Variants in CNTN4 observed in about 807,000 individuals in gnomAD.
CNTN4 encodes contactin 4.
Under a neutral mutation model 122.5 loss-of-function variants are expected in CNTN4, and 77 were observed. That is an observed-to-expected ratio of 0.63 (90% CI 0.52 to 0.76). CNTN4 has a LOEUF of 0.76. Among genes scored for constraint, CNTN4 ranks in the 30% least tolerant of loss-of-function variants. CNTN4 has a pLI of 0.00. For synonymous variants in CNTN4, 512 were observed against 447.0 expected (o/e 1.15, Z -1.83); for missense variants, 1,256 against 1,259.1 (o/e 1.00, Z 0.04).
At chr3:2,322,385 T>TG (rs764615573) in intron 2 of CNTN4, among the ~76,000 whole-genome samples, 17 of 152,146 alleles carry the variant, frequency 1.1e-4, no homozygotes, top group Admixed American at 2.6e-4. Context: ...TTCTGATACT[T>TG]GCTACAACAT....
At chr3:2,682,376 T>C (rs1195405763) in intron 4 of CNTN4, among the ~76,000 whole-genome samples, 1 of 152,198 alleles carries the variant, frequency 6.6e-6, no homozygotes, top group Non-Finnish European at 1.5e-5. Context: ...TCTTAACTTT[T>C]TTTTACTGAG....
At chr3:2,308,161 G>C (rs1237491438) in intron 2 of CNTN4, among the ~76,000 whole-genome samples, 1 of 151,762 alleles carries the variant, frequency 6.6e-6, no homozygotes, top group Non-Finnish European at 1.5e-5. Context: ...TTCTATTTTT[G>C]TCTAAATTAT....
chr3:2,817,738 A>G (rs991821604), intron 6 of CNTN4, among the ~76,000 whole-genome samples: 1 of 152,216 alleles, frequency 6.6e-6, no homozygotes, highest in Non-Finnish European at 1.5e-5. Context: ...TGAATGGGAT[A>G]TCTGTGCACA....
chr3:3,019,890 C>T (rs1698138936), intron 14 of CNTN4, among the ~76,000 whole-genome samples: 1 of 150,070 alleles, frequency 6.7e-6, no homozygotes, highest in Admixed American at 6.7e-5. Flanking sequence ...ATATTAGCTA[C>T]TGAGGAGTGT....
intron 2 of CNTN4, among the ~76,000 whole-genome samples, chr3:2,279,702 G>A (rs1286739716): frequency 6.6e-6 from 1 of 151,710 alleles, no homozygotes; most frequent in Non-Finnish European, 1.5e-5. Context: ...AAAAAAATAA[G>A]CAAGACTTTT....
intron 2 of CNTN4, among the ~76,000 whole-genome samples, chr3:2,290,915 C>A (rs575155982): frequency 6.6e-6 from 1 of 152,078 alleles, no homozygotes; most frequent in African/African-American, 2.4e-5. Context: ...AAAGAAAAAT[C>A]GACACTATAG....
intron 6 of CNTN4, among the ~76,000 whole-genome samples, chr3:2,773,467 G>A (rs1410706306): frequency 1.3e-5 from 2 of 152,180 alleles, no homozygotes; most frequent in Non-Finnish European, 2.9e-5. Flanking sequence ...ACATTCTTAC[G>A]GGGTACTTTC....
At chr3:2,130,440 A>C (rs192727936) in intron 2 of CNTN4, among the ~76,000 whole-genome samples, 1 of 152,208 alleles carries the variant, frequency 6.6e-6, no homozygotes, top group Non-Finnish European at 1.5e-5. Context: ...TATAAAACCA[A>C]TGGTATTTAA....
intron 4 of CNTN4, among the ~76,000 whole-genome samples, chr3:2,659,626 G>A (rs1427171131): frequency 1.3e-5 from 2 of 152,034 alleles, no homozygotes; most frequent in South Asian, 4.1e-4. Flanking sequence ...TAATGTTCAA[G>A]TTGGTCCTTA....
At chr3:2,945,313 A>T (rs570188366) in intron 13 of CNTN4, among the ~76,000 whole-genome samples, 3 of 152,326 alleles carry the variant, frequency 2.0e-5, no homozygotes, top group African/African-American at 7.2e-5. Flanking sequence ...TGAATTTCTC[A>T]TCATGTTCAA....
intron 14 of CNTN4, among the ~76,000 whole-genome samples, chr3:3,013,470 T>G (rs1396248090): frequency 6.6e-6 from 1 of 152,118 alleles, no homozygotes; most frequent in Non-Finnish European, 1.5e-5. Context: ...TGATTTCCAG[T>G]GAACGGAGTC....
Position 2,363,828 on chromosome 3 carries a change from G to A in CNTN4, c.-89+24595G>A, listed in dbSNP as rs556815748. ...TGGTATTGATAGCAAGCTTCATAAA[G>A]CATGGACTGTAGTAATTCTGCCAAA... On this transcript the variant is annotated intron_variant, in intron 3 of 24. Transcript: ENST00000418658. Among the ~76,000 whole-genome samples, 4 of 152,288 alleles carry A rather than the reference G, an allele frequency of 2.6e-5. No individual in the cohort carries two copies. The East Asian group carries it at 5.8e-4, about 22-fold the overall frequency.
At chr3:3,055,126 G>T (rs1701666098) in intron 24 of CNTN4, among the ~76,000 whole-genome samples, 1 of 152,088 alleles carries the variant, frequency 6.6e-6, no homozygotes, top group African/African-American at 2.4e-5. Flanking sequence ...AACACAAAAG[G>T]CATTTTTGTC....
intron 2 of CNTN4, among the ~76,000 whole-genome samples, chr3:2,216,860 C>T (rs1324844241): frequency 6.6e-6 from 1 of 152,134 alleles, no homozygotes; most frequent in African/African-American, 2.4e-5. Flanking sequence ...TTTTCTTGAA[C>T]AGATATTGCC....
At chr3:2,289,447 A>G (rs2042054351) in intron 2 of CNTN4, among the ~76,000 whole-genome samples, 1 of 152,244 alleles carries the variant, frequency 6.6e-6, no homozygotes, top group Non-Finnish European at 1.5e-5. Context: ...TATAAGGATT[A>G]AATGGATAGT....
chr3:2,233,502 T>C (rs1046974746), intron 2 of CNTN4, among the ~76,000 whole-genome samples: 4 of 152,184 alleles, frequency 2.6e-5, no homozygotes, highest in Non-Finnish European at 5.9e-5. Context: ...GCCAATACTA[T>C]TCAGCATGTA....
chr3:2,979,199 G>C (rs370508586), intron 13 of CNTN4, among the ~76,000 whole-genome samples: 9 of 152,290 alleles, frequency 5.9e-5, no homozygotes, highest in African/African-American at 1.9e-4. Context: ...GTAGGAGGGA[G>C]TTTTATAAAA....
Position 2,612,107 on chromosome 3 carries a change from TACACAC to T in CNTN4, c.55+40577_55+40582del, listed in dbSNP as rs58025362. 8.2e-3 allele frequency among the ~76,000 whole-genome samples: 1,231 copies of T among 150,170 alleles called. 8 individuals are homozygous for T. Among genetic ancestry groups the T allele is most frequent in the South Asian group, 0.014 (64 of 4,738 alleles). On this transcript the variant is annotated intron_variant, in intron 4 of 24. Transcript: ENST00000418658. ...TAACCAGTTTTATATATACATATAA[TACACAC>T]ACACACACACACACACACACACACA...
intron 2 of CNTN4, among the ~76,000 whole-genome samples, chr3:2,196,938 G>A (rs2037861982): frequency 6.6e-6 from 1 of 151,538 alleles, no homozygotes; most frequent in African/African-American, 2.4e-5. Flanking sequence ...CAGCTACTCA[G>A]GAAGGCTAAG....
Sources: gnomAD v4.1 joint callset for allele counts (sites outside exome capture counted in the v4.1 genomes callset) on GRCh38, gnomAD v4.1.1 for gene constraint, MANE v1.5 for transcripts, NCBI Gene and HGNC (gene_info 2026-07-23, HGNC 2026-07-21) for gene names.